Variants in CDK12 observed in about 807,000 individuals in gnomAD.
The protein encoded by CDK12 is cyclin-dependent kinase 12.
A neutral mutation model predicts 133.8 loss-of-function variants in CDK12; 17 were observed. The ratio of observed to expected loss-of-function variants is 0.13; its 90% confidence interval spans 0.09 to 0.19. The LOEUF (loss-of-function observed/expected upper bound fraction) is 0.19, where lower values mean the gene tolerates loss of function less well. Ranked by LOEUF, CDK12 falls within the 10% of genes least tolerant of loss-of-function variation. CDK12 has a pLI of 1.00. For synonymous variants in CDK12, 694 were observed against 683.6 expected, an observed-to-expected ratio of 1.02 and a Z score of -0.24; for missense variants, 1,508 against 1,818.7, an observed-to-expected ratio of 0.83 and a Z score of 3.11.
chr17:39,493,173 T>TTTTG (rs1567726360), intron 4 of CDK12, among the ~76,000 whole-genome samples: 1 of 150,604 alleles, frequency 6.6e-6, no homozygotes, highest in East Asian at 2.0e-4. Flanking sequence ...TTTGTTTTTT[T>TTTTG]TTTTTTTTTA....
At chr17:39,466,307 CAAA>C (rs370044004) in intron 1 of CDK12, among the ~76,000 whole-genome samples, 99 of 94,482 alleles carry the variant, frequency 1.0e-3, no homozygotes, top group Non-Finnish European at 1.8e-3. Context: ...GACTGCGTCT[CAAA>C]AAAAAAAAAA....
At chr17:39,548,622 G>A (rs1357379985), upstream of CDK12, among the ~76,000 whole-genome samples, 1 of 152,190 alleles carries the variant, frequency 6.6e-6, no homozygotes, top group Non-Finnish European at 1.5e-5. Context: ...ATGGTCTAGT[G>A]GATGTTTGCA....
intron 1 of CDK12, among the ~76,000 whole-genome samples, chr17:39,541,779 AG>A (rs1381455882): frequency 6.6e-6 from 1 of 152,196 alleles, no homozygotes; most frequent in African/African-American, 2.4e-5. Flanking sequence ...GAAGCTGTAA[AG>A]GGCAGGAATG....
At chr17:39,525,812 G>GGGCCCTTTGCCTTCTTCAACT in intron 12 of CDK12, 52 bp from the exon 13 acceptor site, 1 of 1,410,754 alleles carries the variant, frequency 7.1e-7, no homozygotes, top group Non-Finnish European at 9.7e-7. Context: ...AGAAGGCAAA[G>GGGCCCTTTGCCTTCTTCAACT]GGCCCTTGGC....
At chr17:39,521,424 G>A (rs191598925) in intron 11 of CDK12, among the ~76,000 whole-genome samples, 149 of 151,720 alleles carry the variant, frequency 9.8e-4, no homozygotes, top group African/African-American at 3.1e-3. Flanking sequence ...CACCATGCCC[G>A]GCTAATTTTT....
chr17:39,468,802 A>T lies in CDK12; in HGVS notation c.1047-2077A>T, dbSNP rs190220310. ...TTTAATGTTTTTATTTTAATTAATTAATTAATTTATTTATTTATTTATTTA... is the reference window on the plus strand; with the variant it reads ...TTTAATGTTTTTATTTTAATTAATTTATTAATTTATTTATTTATTTATTTA... On this transcript the variant is annotated intron_variant, in intron 1 of 13. Coordinates refer to ENST00000447079, the MANE Select transcript of CDK12 (RefSeq NM_016507.4). 2.8e-3 allele frequency among the ~76,000 whole-genome samples: 419 copies of T among 148,596 alleles called. 3 individuals are homozygous for T. Among genetic ancestry groups the T allele is most frequent in the African/African-American group, 7.2e-3 (293 of 40,450 alleles).
chr17:39,559,347 T>C (rs1316308378), intron 3 of CDK12, among the ~76,000 whole-genome samples: 1 of 152,242 alleles, frequency 6.6e-6, no homozygotes, highest in African/African-American at 2.4e-5. Context: ...TTACGTGTTC[T>C]CATATGTATA....
chr17:39,561,455 G>A (rs564652296), intron 3 of CDK12, among the ~76,000 whole-genome samples: 43 of 152,324 alleles, frequency 2.8e-4, no homozygotes, highest in African/African-American at 1.0e-3. Flanking sequence ...GCTTAGTGCT[G>A]ACTTTACCAC....
Position 39,500,058 on chromosome 17 carries a change from G to A in CDK12, c.2420-1192G>A, listed in dbSNP as rs113272079. On this transcript the variant is annotated intron_variant, in intron 5 of 13. Coordinates refer to ENST00000447079, the MANE Select transcript of CDK12 (RefSeq NM_016507.4). The stretch of plus-strand genomic sequence containing the variant: ...AGTCTAGTAAGACAGGCTGAGCACA[G>A]TGGCTTATGCCTCTGACCTCAGCAT... Among the ~76,000 whole-genome samples the A allele has an allele frequency of 3.3e-3, 498 of 152,318 alleles. 1 individual carries two copies. Among genetic ancestry groups the A allele is most frequent in the Non-Finnish European group, 5.5e-3 (371 of 68,030 alleles).
At chr17:39,537,248 A>G (rs1457111781), downstream of CDK12, among the ~76,000 whole-genome samples, 2 of 152,182 alleles carry the variant, frequency 1.3e-5, no homozygotes, top group African/African-American at 4.8e-5. Flanking sequence ...CTTGGTGAGG[A>G]TCAGCTTGTA....
At chr17:39,559,857 T>TAAAAAAAAAAAAAAAAGA (rs1567823839) in intron 3 of CDK12, among the ~76,000 whole-genome samples, 2 of 133,948 alleles carry the variant, frequency 1.5e-5, no homozygotes, top group African/African-American at 2.8e-5. Flanking sequence ...GAAAAAATGT[T>TAAAAAAAAAAAAAAAAGA]AAAAAAAAAA....
At chr17:39,556,448 G>A (rs2056166570) in intron 3 of CDK12, 2 of 152,436 alleles carry the variant, frequency 1.3e-5, no homozygotes, top group African/African-American at 4.8e-5. Flanking sequence ...CTGCCCTGGA[G>A]TAGAGGGCAG....
At chr17:39,562,902 C>CTTTTTTTTTTT (rs59852699) in intron 3 of CDK12, among the ~76,000 whole-genome samples, 9 of 92,376 alleles carry the variant, frequency 9.7e-5, no homozygotes, top group Non-Finnish European at 1.5e-4. Context: ...TTTTTCTTTT[C>CTTTTTTTTTTT]TTTTTTTTTT....
rs774814374 is a variant in CDK12 at position 39,494,654 on chromosome 17, C to T, written c.2379C>T (p.Val793=). Residue 793 remains valine (V), a synonymous_variant, in exon 5 of 14, where the codon GTC becomes GTT. Coordinates refer to ENST00000447079, the MANE Select transcript of CDK12 (RefSeq NM_016507.4). ...GTGTTGTTAACATGAAGGAAATTGT[C>T]ACAGATAAACAAGATGCACTGGATT... ...HRSVVNMKEI[V]TDKQDALDFK... is the part of the protein sequence containing the mutation. The T allele has an allele frequency of 1.9e-5, 30 of 1,591,778 alleles. No individual in the cohort carries two copies. The highest frequency in any genetic ancestry group is 2.5e-5 in the Non-Finnish European group (29 of 1,168,726).
chr17:39,497,630 C>T (rs537117948), intron 5 of CDK12, among the ~76,000 whole-genome samples: 1 of 151,800 alleles, frequency 6.6e-6, no homozygotes, highest in East Asian at 1.9e-4. Context: ...TTTTTTGAGA[C>T]AGTCTCAGTG....
At chr17:39,475,114 C>T (rs1384564590) in intron 2 of CDK12, among the ~76,000 whole-genome samples, 7 of 152,042 alleles carry the variant, frequency 4.6e-5, no homozygotes, top group Non-Finnish European at 1.0e-4. Context: ...GGATTACAGG[C>T]ATGAGCCACT....
intron 3 of CDK12, among the ~76,000 whole-genome samples, chr17:39,561,514 A>G (rs2056372869): frequency 6.6e-6 from 1 of 152,138 alleles, no homozygotes; most frequent in Non-Finnish European, 1.5e-5. Context: ...GAAGCTAGAG[A>G]AATTGTTTTG....
chr17:39,468,350 G>T (rs890892133), intron 1 of CDK12, among the ~76,000 whole-genome samples: 1 of 152,042 alleles, frequency 6.6e-6, no homozygotes, highest in African/African-American at 2.4e-5. Context: ...CTTACTATAT[G>T]TCAGTCTTAC....
intron 1 of CDK12, among the ~76,000 whole-genome samples, chr17:39,466,190 C>G (rs2049290967): frequency 6.6e-6 from 1 of 151,754 alleles, no homozygotes; most frequent in African/African-American, 2.4e-5. Flanking sequence ...CACCTATAAT[C>G]CCAGCTACTC....
Sources: gnomAD v4.1 joint callset for allele counts (sites outside exome capture counted in the v4.1 genomes callset) on GRCh38, gnomAD v4.1.1 for gene constraint, MANE v1.5 for transcripts, NCBI Gene and HGNC (gene_info 2026-07-23, HGNC 2026-07-21) for gene names.